The following RTP1 variants were observed in gnomAD, a reference collection of about 807,000 sequenced individuals.
RTP1 encodes receptor transporter protein 1, also known as receptor-transporting protein 1.
A neutral mutation model predicts 27.1 loss-of-function variants in RTP1; 24 were observed. The ratio of observed to expected loss-of-function variants is 0.89; its 90% CI spans 0.64 to 1.25. The LOEUF (loss-of-function observed/expected upper bound fraction) is 1.25, where lower values mean the gene tolerates loss of function less well. Ranked by LOEUF, RTP1 falls within the 50% of genes most tolerant of loss-of-function variation. RTP1 has a pLI of 0.00. For missense variants in RTP1, 338 were observed against 351.6 expected (o/e 0.96, Z 0.31); for synonymous variants, 148 against 148.1 (o/e 1.00, Z 0.00).
rs1253142401 is a variant in RTP1, at chr3:187,201,201, T to TG, written c.*1134dup. The TG allele has an allele frequency of 6.6e-6, 1 of 152,186 alleles. No homozygotes were observed. The allele number at this position is 152,186 out of a possible 1,614,324, so 9.4% of individuals were successfully genotyped here. A position where few individuals can be genotyped will look rare whatever the true frequency, so the allele number is the denominator to read the frequency against. On this transcript the variant is annotated 3_prime_UTR_variant, in exon 2 of 2. Transcript: ENST00000312295. Reference sequence around the variant, plus strand: ...GTCCATGGGGAAGTGCACAGATATGTGGGAGAACCTTACAAGGCTCTAAAA... The same window carrying TG: ...GTCCATGGGGAAGTGCACAGATATGTGGGGAGAACCTTACAAGGCTCTAAAA...
Position 187,199,856 on chromosome 3 carries a change from C to A in RTP1, c.578C>A (p.Ala193Asp), listed in dbSNP as rs531483688. 346 of 1,601,892 alleles carry A rather than the reference C, an allele frequency of 2.2e-4. 1 individual carries two copies. The South Asian group carries it at 3.6e-3, about 17-fold the overall frequency. ...NRRHRGEFCE[A>D]CQEGIVHWKP... ...CGGCACCGCGGAGAGTTCTGCGAGGCCTGCCAGGAGGGCATCGTGCACTGG... is the reference window on the plus strand; with the variant it reads ...CGGCACCGCGGAGAGTTCTGCGAGGACTGCCAGGAGGGCATCGTGCACTGG... Residue 193 changes from alanine to aspartate, a missense_variant, in exon 2 of 2, where the codon GCC becomes GAC. Physicochemically the swap from Ala to Asp is moderately radical, Grantham distance 126 (BLOSUM62 -2). This residue lies in a region of RTP1 where 252 missense variants were observed against 231.5 expected (regional missense o/e 1.09). Transcript: ENST00000312295.
Position 187,200,890 on chromosome 3 carries a change from T to C in RTP1, c.*820T>C, listed in dbSNP as rs1444484283. On this transcript the variant is annotated 3_prime_UTR_variant, in exon 2 of 2. Coordinates refer to ENST00000312295, the MANE Select transcript of RTP1 (RefSeq NM_153708.3). Reference sequence around the variant, plus strand: ...AACTGGCAGAGAATTTAGGGGAGGTTCAGAAGACAGAGTTTTAGAAGCAAA... The same window carrying C: ...AACTGGCAGAGAATTTAGGGGAGGTCCAGAAGACAGAGTTTTAGAAGCAAA... 1 of 152,136 alleles carries C rather than the reference T, an allele frequency of 6.6e-6. No individual in the cohort carries two copies. The highest frequency in any genetic ancestry group is 2.4e-5 in the African/African-American group (1 of 41,414). The allele number at this position is 152,136 out of a possible 1,614,324, so 9.4% of individuals were successfully genotyped here.
chr3:187,199,671 G>T lies in RTP1; in HGVS notation c.393G>T (p.Leu131=). 6.2e-7 allele frequency: 1 copy of T among 1,611,368 alleles called. No homozygotes were observed. Among genetic ancestry groups the T allele is most frequent in the Non-Finnish European group, 8.5e-7 (1 of 1,177,820 alleles). ...GSVRMRVFKQ[L]CYECGTARLD... is the part of the protein sequence containing the mutation. ...TGCGCATGCGCGTCTTCAAGCAGCT[G>T]TGCTATGAGTGCGGCACGGCGCGGC... The change falls in exon 2 of 2, where the codon CTG becomes CTT. Residue 131 remains leucine (L), a synonymous_variant. Coordinates refer to ENST00000312295, the MANE Select transcript of RTP1 (RefSeq NM_153708.3).
intron 1 of RTP1, chr3:187,199,224 T>C: frequency 3.0e-6 from 1 of 337,732 alleles, no homozygotes; most frequent in Non-Finnish European, 5.4e-6. Flanking sequence ...AAGGAAGGAC[T>C]CACCTAGTGC....
Position 187,197,544 on chromosome 3 carries a change from G to C in RTP1, c.29G>C (p.Arg10Pro). ...AGGATTTTTAGACCGTGGAGACTGC[G>C]CTGCCCTGCCCTGCACCTACCCTCA... MRIFRPWRL[R>P]CPALHLPSLS... Residue 10 changes from arginine to proline, a missense_variant, in exon 1 of 2, where the codon CGC becomes CCC. This residue lies in a region of RTP1 where 64 missense variants were observed against 74.5 expected (regional missense o/e 0.86). Transcript: ENST00000312295. The C allele has an allele frequency of 6.2e-7, 1 of 1,614,106 alleles. No individual in the cohort carries two copies. The highest frequency in any genetic ancestry group is 8.5e-7 in the Non-Finnish European group (1 of 1,180,000).
chr3:187,199,925 C>T lies in RTP1; in HGVS notation c.647C>T (p.Thr216Ile), dbSNP rs1176428848. The T allele has an allele frequency of 6.3e-7, 1 of 1,596,968 alleles. No homozygotes were observed. Among genetic ancestry groups the T allele is most frequent in the Non-Finnish European group, 8.5e-7 (1 of 1,170,274 alleles). ...CTGGAGGAGGAGGCGACCACCTACA[C>T]CTTCTCCCGGGCGCCCAGCCCCACC... ...KLLEEEATTY[T>I]FSRAPSPTKS... Residue 216 changes from threonine (T) to isoleucine (I), a missense_variant, in exon 2 of 2, where the codon ACC becomes ATC. By Grantham distance (89) the Thr-to-Ile change is moderately conservative. Coordinates refer to ENST00000312295, the MANE Select transcript of RTP1 (RefSeq NM_153708.3).
At position 187,200,165 on chromosome 3, in the gene RTP1, G is replaced by A; in HGVS notation, c.*95G>A. On this transcript the variant is annotated 3_prime_UTR_variant, in exon 2 of 2. Coordinates refer to ENST00000312295, the MANE Select transcript of RTP1 (RefSeq NM_153708.3). ...GGGTTGAGAATAGTGTAAACTTCTA[G>A]CGCTGGTGATGTCACTGACTCAGTG... is the stretch of plus-strand genomic sequence containing the variant. 1 of 1,118,318 alleles carries A rather than the reference G, an allele frequency of 8.9e-7. No homozygotes were observed. Among genetic ancestry groups the A allele is most frequent in the Admixed American group, 2.6e-5 (1 of 38,086 alleles). 69.3% of individuals were successfully genotyped at this position (1,118,318 alleles called of 1,614,324 possible).
In RTP1 at chr3:187,197,801, G is replaced by A. The variant is rs368649374; in HGVS notation, c.272+14G>A. The A allele has an allele frequency of 7.5e-6, 12 of 1,607,652 alleles. No individual in the cohort carries two copies. The highest frequency in any genetic ancestry group is 1.3e-5 in the African/African-American group (1 of 74,808). ...TGCTTCAGGCAGGTGAGTAGCCCAGGAAGGTGGATCCCTGCAGGCCGCCTC... is the reference window on the plus strand; with the variant it reads ...TGCTTCAGGCAGGTGAGTAGCCCAGAAAGGTGGATCCCTGCAGGCCGCCTC... On this transcript the variant is annotated intron_variant, in intron 1 of 1. Coordinates refer to ENST00000312295, the MANE Select transcript of RTP1 (RefSeq NM_153708.3).
chr3:187,199,232 T>G (rs1057334085), intron 1 of RTP1: 4 of 360,834 alleles, frequency 1.1e-5, no homozygotes, highest in African/African-American at 2.0e-5. Context: ...ACTCACCTAG[T>G]GCACCAAGCG....
Position 187,197,946 on chromosome 3 carries a change from T to C in RTP1, c.272+159T>C, listed in dbSNP as rs997265892. On this transcript the variant is annotated intron_variant, in intron 1 of 1. Transcript: ENST00000312295. ...GGAAGTCAGAGAAAGAGTCCCTAACTGGGAACTACGACACTTGAGTTGGAT... is the reference window on the plus strand; with the variant it reads ...GGAAGTCAGAGAAAGAGTCCCTAACCGGGAACTACGACACTTGAGTTGGAT... The C allele has an allele frequency of 1.1e-5, 7 of 665,826 alleles. No individual in the cohort carries two copies. The South Asian group carries it at 1.2e-4, about 12-fold the overall frequency. The allele number at this position is 665,826 out of a possible 1,614,324, so 41.2% of individuals were successfully genotyped here.
chr3:187,197,866 A>G, intron 1 of RTP1, 79 bp downstream of exon 1: 1 of 1,409,202 alleles, frequency 7.1e-7, no homozygotes, highest in Non-Finnish European at 9.8e-7. Context: ...GGAGAGGAAG[A>G]TTACGTAGAA....
Position 187,200,070 on chromosome 3 carries a change from A to G in RTP1, c.792A>G (p.Ter264=). The G allele has an allele frequency of 1.3e-6, 2 of 1,505,748 alleles. No individual in the cohort carries two copies. The highest frequency in any genetic ancestry group is 1.4e-5 in the African/African-American group (1 of 71,682). 93.3% of individuals were successfully genotyped at this position (1,505,748 alleles called of 1,614,324 possible). Residue 264 remains the stop codon, a stop_retained_variant, in exon 2 of 2, where the codon TAA becomes TAG. Transcript: ENST00000312295. ...YLQFSFRSSV[*] ...AGTTCTCTTTCCGTAGCTCCGTATA[A>G]GATTCCGTGGTTGGGCCCAGAGCCT...
Position 187,199,814 on chromosome 3 carries a change from G to A in RTP1, c.536G>A (p.Ser179Asn). The part of the protein sequence containing the change: ...RGGQYRIHVA[S>N]RQDNRRHRGE... ...GGCCAGTACCGCATCCACGTGGCCA[G>A]CCGCCAGGACAACCGGCGGCACCGC... Residue 179 changes from serine (S) to asparagine (N), a missense_variant, in exon 2 of 2, where the codon AGC (serine) becomes AAC (asparagine). Transcript: ENST00000312295. 6.2e-7 allele frequency: 1 copy of A among 1,609,354 alleles called. No homozygotes were observed. The highest frequency in any genetic ancestry group is 8.5e-7 in the Non-Finnish European group (1 of 1,176,436).
rs1357737099 is a variant in RTP1 at position 187,199,589 on chromosome 3, C to G, written c.311C>G (p.Pro104Arg). ...TGGTGCTGGCACACCTGGCAGTCGC[C>G]CTACGTGGTCATCCTCTTCCACATG... ...CSWCWHTWQS[P>R]YVVILFHMFL... The change falls in exon 2 of 2, where the codon CCC becomes CGC. Residue 104 changes from proline (P) to arginine (R), a missense_variant. By Grantham distance (103) the Pro-to-Arg change is moderately radical. Around this residue, in one of 3 missense-constraint regions of RTP1, gnomAD observed 252 missense variants for 231.5 expected, o/e 1.09. Coordinates refer to ENST00000312295, the MANE Select transcript of RTP1 (RefSeq NM_153708.3). 1 of 1,604,758 alleles carries G rather than the reference C, an allele frequency of 6.2e-7. No individual in the cohort carries two copies. The highest frequency in any genetic ancestry group is 8.5e-7 in the Non-Finnish European group (1 of 1,172,668).
Position 187,199,567 on chromosome 3 carries a change from T to C in RTP1, c.289T>C (p.Cys97Arg). Residue 97 changes from cysteine to arginine, a missense_variant, in exon 2 of 2, where the codon TGC (cysteine) becomes CGC (arginine). By Grantham distance (180) the Cys-to-Arg change is radical. This residue lies in a region of RTP1 where 22 missense variants were observed against 45.6 expected (regional missense o/e 0.48). Transcript: ENST00000312295. The part of the protein sequence containing the change: ...HASGRFHCSW[C>R]WHTWQSPYVV... Reference sequence around the variant, plus strand: ...TCTCCGCAGGTTCCACTGCTCCTGGTGCTGGCACACCTGGCAGTCGCCCTA... The same window carrying C: ...TCTCCGCAGGTTCCACTGCTCCTGGCGCTGGCACACCTGGCAGTCGCCCTA... The C allele has an allele frequency of 6.3e-7, 1 of 1,593,076 alleles. No homozygotes were observed. Among genetic ancestry groups the C allele is most frequent in the South Asian group, 1.1e-5 (1 of 89,418 alleles).
chr3:187,199,945 C>G lies in RTP1; in HGVS notation c.667C>G (p.Pro223Ala). ...CTACACCTTCTCCCGGGCGCCCAGC[C>G]CCACCAAGTCGCAGGACCAGACGGG... ...TTYTFSRAPS[P>A]TKSQDQTGSG... is the part of the protein sequence containing the mutation. Residue 223 changes from proline (P) to alanine (A), a missense_variant, in exon 2 of 2, where the codon CCC (proline) becomes GCC (alanine). Transcript: ENST00000312295. The G allele has an allele frequency of 6.3e-7, 1 of 1,596,292 alleles. No individual in the cohort carries two copies. The highest frequency in any genetic ancestry group is 1.1e-5 in the South Asian group (1 of 88,372).
chr3:187,197,532 C>T lies in RTP1; in HGVS notation c.17C>T (p.Pro6Leu), dbSNP rs369064403. Residue 6 changes from proline to leucine, a missense_variant, in exon 1 of 2, where the codon CCG (proline) becomes CTG (leucine). Pro to Leu is a moderately conservative substitution (Grantham distance 98, BLOSUM62 -3). Transcript: ENST00000312295. ...GTCTTGTCGATGAGGATTTTTAGAC[C>T]GTGGAGACTGCGCTGCCCTGCCCTG... The part of the protein sequence containing the change: MRIFR[P>L]WRLRCPALHL... 17 of 1,613,802 alleles carry T rather than the reference C, an allele frequency of 1.1e-5. No individual in the cohort carries two copies. In the Admixed American group the frequency reaches 1.5e-4, roughly 14 times the overall value.
In RTP1 at chr3:187,199,673, G is replaced by T. The variant is rs1280040783; in HGVS notation, c.395G>T (p.Cys132Phe). 1 of 1,611,358 alleles carries T rather than the reference G, an allele frequency of 6.2e-7. No individual in the cohort carries two copies. Among genetic ancestry groups the T allele is most frequent in the Non-Finnish European group, 8.5e-7 (1 of 1,177,906 alleles). ...SVRMRVFKQL[C>F]YECGTARLDE... is the part of the protein sequence containing the mutation. ...CGCATGCGCGTCTTCAAGCAGCTGTGCTATGAGTGCGGCACGGCGCGGCTG... is the reference window on the plus strand; with the variant it reads ...CGCATGCGCGTCTTCAAGCAGCTGTTCTATGAGTGCGGCACGGCGCGGCTG... Residue 132 changes from cysteine (C) to phenylalanine (F), a missense_variant, in exon 2 of 2, where the codon TGC (cysteine) becomes TTC (phenylalanine). This residue lies in a region of RTP1 where 252 missense variants were observed against 231.5 expected (regional missense o/e 1.09). Coordinates refer to ENST00000312295, the MANE Select transcript of RTP1 (RefSeq NM_153708.3).
chr3:187,199,891 G>T lies in RTP1; in HGVS notation c.613G>T (p.Glu205Ter). The change falls in exon 2 of 2, where the codon GAG becomes TAG. Residue 205 changes from glutamate (E) to a stop codon, truncating the protein, a stop_gained. Transcript: ENST00000312295. LOFTEE classifies it high-confidence loss of function. The stretch of plus-strand genomic sequence containing the variant: ...GGGCATCGTGCACTGGAAGCCCAGC[G>T]AGAAGCTGCTGGAGGAGGAGGCGAC... ...QEGIVHWKPS[E>*]KLLEEEATTY... 6.3e-7 allele frequency: 1 copy of T among 1,592,802 alleles called. No individual in the cohort carries two copies. Among genetic ancestry groups the T allele is most frequent in the Non-Finnish European group, 8.6e-7 (1 of 1,165,402 alleles).
Sources: gnomAD v4.1 joint callset for allele counts on GRCh38, gnomAD v4.1.1 for gene constraint, gnomAD v4.1.1 regional missense constraint, MANE v1.5 for transcripts, NCBI Gene and HGNC (gene_info 2026-07-23, HGNC 2026-07-21) for gene names.